The following TXLNB variants were observed in gnomAD, a reference collection of about 807,000 sequenced individuals.
TXLNB encodes taxilin beta.
A neutral mutation model predicts 57.4 loss-of-function variants in TXLNB; 37 were observed. The ratio of observed to expected loss-of-function variants is 0.64; its 90% CI spans 0.50 to 0.85. The LOEUF (loss-of-function observed/expected upper bound fraction) is 0.85, where lower values mean the gene tolerates loss of function less well. Among genes scored for constraint, TXLNB ranks in the 40% least tolerant of loss-of-function variants. TXLNB has a pLI of 0.00. For missense variants in TXLNB, 848 were observed against 825.6 expected (o/e 1.03, Z -0.33); for synonymous variants, 302 against 309.6 (o/e 0.98, Z 0.26).
chr6:139,217,223 C>T, the TXLNB span, among the ~76,000 whole-genome samples: 13 of 152,148 alleles, frequency 8.5e-5, no homozygotes, highest in South Asian at 1.5e-3. Context: ...AGCAGCCTTG[C>T]GCTTACACAT....
At chr6:139,283,364 G>C (rs1293022086) in intron 2 of TXLNB, among the ~76,000 whole-genome samples, 1 of 143,832 alleles carries the variant, frequency 7.0e-6, no homozygotes, top group African/African-American at 2.6e-5. Context: ...ATCACCTGAG[G>C]TCGGGAGTTC....
At chr6:139,262,369 G>A (rs926047319) in intron 5 of TXLNB, among the ~76,000 whole-genome samples, 2 of 152,166 alleles carry the variant, frequency 1.3e-5, no homozygotes, top group African/African-American at 2.4e-5. Flanking sequence ...TTACTTTGTA[G>A]TGATGCCAGT....
At chr6:139,193,822 T>TTTTATATATATATATA in the TXLNB span, among the ~76,000 whole-genome samples, 16 of 92,618 alleles carry the variant, frequency 1.7e-4, 1 homozygote, top group African/African-American at 3.3e-4. Flanking sequence ...CCTGGCTAAT[T>TTTTATATATATATATA]TATATATATA....
the TXLNB span, among the ~76,000 whole-genome samples, chr6:139,219,690 C>T: frequency 3.9e-5 from 6 of 152,146 alleles, no homozygotes; most frequent in Non-Finnish European, 8.8e-5. Context: ...GAGGCTGAGA[C>T]GGCAGGCAGG....
intron 4 of TXLNB, among the ~76,000 whole-genome samples, chr6:139,266,620 T>G (rs1776621859): frequency 1.3e-5 from 2 of 152,264 alleles, no homozygotes; most frequent in African/African-American, 4.8e-5. Flanking sequence ...TCAAAAGGTC[T>G]ACACACACAG....
intron 4 of TXLNB, among the ~76,000 whole-genome samples, chr6:139,270,200 C>T (rs1776722193): frequency 1.3e-5 from 2 of 152,092 alleles, no homozygotes; most frequent in South Asian, 4.2e-4. Context: ...AGGTACTGTG[C>T]GGGTACCTTA....
rs146839849 is a variant in TXLNB at position 139,242,834 on chromosome 6, C to T, written c.1747G>A (p.Gly583Arg). Residue 583 changes from glycine (G) to arginine (R), a missense_variant, in exon 10 of 10, where the codon GGG becomes AGG. Coordinates refer to ENST00000358430, the MANE Select transcript of TXLNB (RefSeq NM_153235.4). ...TCGCATTGGGTTTCTGCTCCCAACC[C>T]GGCAGGAGAATTACTGGCCTTGGAG... Reference protein sequence around the residue: ...PPSKASNSPAGLGAETQCEGL... With the variant: ...PPSKASNSPARLGAETQCEGL... 5.5e-5 allele frequency: 88 copies of T among 1,614,142 alleles called. No homozygotes were observed. In the African/African-American group the frequency reaches 1.1e-3, roughly 20 times the overall value.
the TXLNB span, among the ~76,000 whole-genome samples, chr6:139,231,423 C>T: frequency 7.2e-5 from 11 of 152,188 alleles, no homozygotes; most frequent in East Asian, 1.5e-3. Context: ...TGTGGGTGGT[C>T]GTGAAACACT....
chr6:139,318,102 T>C, the TXLNB span, among the ~76,000 whole-genome samples: 1 of 151,464 alleles, frequency 6.6e-6, no homozygotes, highest in Non-Finnish European at 1.5e-5. Context: ...ACCCCGTCCC[T>C]ACTAAAAAAT....
At chr6:139,171,129 C>T in the TXLNB span, among the ~76,000 whole-genome samples, 1 of 151,840 alleles carries the variant, frequency 6.6e-6, no homozygotes, top group Non-Finnish European at 1.5e-5. Context: ...AGATGTCTAG[C>T]AAACATGGTT....
chr6:139,277,351 G>A (rs1293664015), intron 2 of TXLNB, among the ~76,000 whole-genome samples: 1 of 152,184 alleles, frequency 6.6e-6, no homozygotes, highest in African/African-American at 2.4e-5. Flanking sequence ...GTATGAAACA[G>A]CAACACGGAG....
chr6:139,164,371 G>C, the TXLNB span, among the ~76,000 whole-genome samples: 3 of 152,040 alleles, frequency 2.0e-5, no homozygotes, highest in Non-Finnish European at 4.4e-5. Context: ...ATGAACATTG[G>C]GGGTATCATG....
At chr6:139,238,296 A>G (rs950455833), downstream of TXLNB, among the ~76,000 whole-genome samples, 1 of 152,208 alleles carries the variant, frequency 6.6e-6, no homozygotes, top group Non-Finnish European at 1.5e-5. Flanking sequence ...CAGGAGGCTG[A>G]GGCACGAGAC....
At chr6:139,188,443 T>C in the TXLNB span, among the ~76,000 whole-genome samples, 1 of 152,312 alleles carries the variant, frequency 6.6e-6, no homozygotes, top group African/African-American at 2.4e-5. Context: ...GATGGAAAAA[T>C]GATCCATTTG....
the TXLNB span, among the ~76,000 whole-genome samples, chr6:139,162,236 A>C: frequency 1.4e-4 from 21 of 152,122 alleles, 1 homozygote; most frequent in Middle Eastern, 3.2e-3. Context: ...GAAGGGTTGG[A>C]GTCAGGATAG....
At chr6:139,235,769 G>A (rs954023123), downstream of TXLNB, among the ~76,000 whole-genome samples, 2 of 151,994 alleles carry the variant, frequency 1.3e-5, no homozygotes, top group Admixed American at 6.6e-5. Context: ...CATTTTCCAA[G>A]ACCATCCGGG....
chr6:139,294,294 G>A (rs1160252647), upstream of TXLNB, among the ~76,000 whole-genome samples: 1 of 152,070 alleles, frequency 6.6e-6, no homozygotes, highest in African/African-American at 2.4e-5. Flanking sequence ...CTACAATGTG[G>A]TTTGGGAATT....
At chr6:139,268,899 T>G (rs975040664) in intron 4 of TXLNB, 1 of 152,148 alleles carries the variant, frequency 6.6e-6, no homozygotes, top group Non-Finnish European at 1.5e-5. Flanking sequence ...ATAAGATCTC[T>G]CTCTCTCTCT....
chr6:139,163,460 A>G, the TXLNB span, among the ~76,000 whole-genome samples: 1 of 149,880 alleles, frequency 6.7e-6, no homozygotes, highest in African/African-American at 2.5e-5. Context: ...TTCAAGTGAT[A>G]CTCCCACCTC....
Sources: allele counts gnomAD v4.1 joint callset (sites outside exome capture counted in the v4.1 genomes callset), GRCh38; gene constraint gnomAD v4.1.1; transcripts MANE v1.5; gene names NCBI Gene and HGNC (gene_info 2026-07-23, HGNC 2026-07-21).